Variants in DLG1 observed in about 807,000 individuals in gnomAD.
DLG1 encodes the protein discs large MAGUK scaffold protein 1, also known as disks large homolog 1.
Under a neutral mutation model 123.4 loss-of-function variants are expected in DLG1, and 42 were observed. The ratio of observed to expected loss-of-function variants is 0.34; its 90% CI spans 0.27 to 0.44. DLG1 has a LOEUF of 0.44. Ranked by LOEUF, DLG1 falls within the 20% of genes least tolerant of loss-of-function variation. The pLI is 1.00. For missense variants in DLG1, 942 were observed against 1,082.6 expected, an observed-to-expected ratio of 0.87 and a Z score of 1.82; for synonymous variants, 317 against 356.2, an observed-to-expected ratio of 0.89 and a Z score of 1.24.
At chr3:197,135,020 T>C (rs909161981) in intron 10 of DLG1, among the ~76,000 whole-genome samples, 5 of 152,228 alleles carry the variant, frequency 3.3e-5, no homozygotes, top group Admixed American at 2.6e-4. Context: ...CCTAGAAGAC[T>C]GTTATACATG....
chr3:197,212,386 A>G (rs1731715793), intron 4 of DLG1, among the ~76,000 whole-genome samples: 1 of 152,242 alleles, frequency 6.6e-6, no homozygotes, highest in African/African-American at 2.4e-5. Context: ...AACAGCCAGT[A>G]AAGATTAAGT....
chr3:197,104,285 G>C (rs1034154750), intron 14 of DLG1, among the ~76,000 whole-genome samples: 2 of 152,102 alleles, frequency 1.3e-5, no homozygotes, highest in East Asian at 3.8e-4. Context: ...TAAAAGCTAT[G>C]TCTTCAGTTA....
At chr3:197,050,336 C>T (rs1726588734) in intron 24 of DLG1, among the ~76,000 whole-genome samples, 1 of 151,248 alleles carries the variant, frequency 6.6e-6, no homozygotes, top group Admixed American at 6.6e-5. Flanking sequence ...CACTGCACTC[C>T]AGCCTGGGCG....
intron 17 of DLG1, among the ~76,000 whole-genome samples, chr3:197,077,467 G>A (rs1292512520): frequency 6.6e-6 from 1 of 151,952 alleles, no homozygotes; most frequent in Non-Finnish European, 1.5e-5. Context: ...TATCAGTACT[G>A]ACTTATTTAT....
intron 24 of DLG1, among the ~76,000 whole-genome samples, chr3:197,047,606 T>A (rs986389380): frequency 1.5e-4 from 22 of 151,580 alleles, no homozygotes; most frequent in Admixed American, 1.1e-3. Flanking sequence ...TTTTTTTTTT[T>A]AAACAAATAG....
intron 5 of DLG1, among the ~76,000 whole-genome samples, chr3:197,171,954 C>T (rs1804418974): frequency 6.6e-6 from 1 of 152,058 alleles, no homozygotes. Flanking sequence ...TATTATTCAC[C>T]CTCTACAAGT....
At chr3:197,098,312 A>G (rs971419595) in intron 14 of DLG1, among the ~76,000 whole-genome samples, 3 of 152,230 alleles carry the variant, frequency 2.0e-5, no homozygotes, top group African/African-American at 7.2e-5. Context: ...GATAGTCTAC[A>G]TTTTAGAAAT....
chr3:197,269,049 G>C (rs1270621666), intron 4 of DLG1, among the ~76,000 whole-genome samples: 1 of 152,172 alleles, frequency 6.6e-6, no homozygotes, highest in African/African-American at 2.4e-5. Context: ...AATACCTCCT[G>C]AAGGGCCTGC....
intron 15 of DLG1, among the ~76,000 whole-genome samples, chr3:197,090,576 AC>A (rs578022635): frequency 2.2e-3 from 341 of 152,202 alleles, no homozygotes; most frequent in African/African-American, 7.8e-3. Context: ...TTAGAAAAGG[AC>A]AGAGGTTAAA....
chr3:197,096,774 A>G (rs1760875561), intron 14 of DLG1, among the ~76,000 whole-genome samples: 1 of 152,110 alleles, frequency 6.6e-6, no homozygotes, highest in African/African-American at 2.4e-5. Context: ...CAAAATATTA[A>G]TTTTATTTTA....
chr3:197,103,015 G>T (rs1364600965), intron 14 of DLG1, among the ~76,000 whole-genome samples: 1 of 152,218 alleles, frequency 6.6e-6, no homozygotes, highest in African/African-American at 2.4e-5. Context: ...GAGGCAGGCT[G>T]CTTTATCCAA....
At chr3:197,280,337 T>TTGTGTGTGTGTGTGTG (rs10575004) in intron 4 of DLG1, among the ~76,000 whole-genome samples, 1 of 149,916 alleles carries the variant, frequency 6.7e-6, no homozygotes, top group African/African-American at 2.5e-5. Flanking sequence ...GTAGTCCATT[T>TTGTGTGTGTGTGTGTG]TGTGTGTGTG....
intron 16 of DLG1, among the ~76,000 whole-genome samples, chr3:197,084,291 C>T (rs1752869260): frequency 6.7e-6 from 1 of 149,450 alleles, no homozygotes; most frequent in Non-Finnish European, 1.5e-5. Flanking sequence ...AGATCAATTT[C>T]TGCTTGGAGG....
chr3:197,263,603 A>T (rs997061613), intron 4 of DLG1, among the ~76,000 whole-genome samples: 23 of 152,254 alleles, frequency 1.5e-4, no homozygotes, highest in African/African-American at 5.3e-4. Flanking sequence ...CCTGGCCAAC[A>T]TGGTGAAATC....
chr3:197,062,364 C>T (rs903082129), intron 22 of DLG1, among the ~76,000 whole-genome samples: 17 of 152,142 alleles, frequency 1.1e-4, no homozygotes, highest in Admixed American at 8.5e-4. Context: ...AGTATGGCTG[C>T]GACTGAATAT....
rs750257172 is a variant in DLG1 at position 197,138,221 on chromosome 3, C to A, written c.883+1G>T. On this transcript the variant is annotated splice_donor_variant, in intron 9 of 24. Transcript: ENST00000667157. LOFTEE classifies it high-confidence loss of function. Reference sequence around the variant, plus strand: ...TTATCTTAGTTTGACTTACCACATACCTTTAGGACCTTTAATGAGCTTTAT... The same window carrying A: ...TTATCTTAGTTTGACTTACCACATAACTTTAGGACCTTTAATGAGCTTTAT... 6.5e-7 allele frequency: 1 copy of A among 1,545,628 alleles called. No homozygotes were observed.
At chr3:197,135,478 ATGAC>A (rs1415303707) in intron 10 of DLG1, among the ~76,000 whole-genome samples, 1 of 152,144 alleles carries the variant, frequency 6.6e-6, no homozygotes, top group Non-Finnish European at 1.5e-5. Flanking sequence ...ACCCTCCACC[ATGAC>A]TGTAAGTTTC....
intron 5 of DLG1, among the ~76,000 whole-genome samples, chr3:197,191,877 A>T: frequency 6.6e-6 from 1 of 152,202 alleles, no homozygotes; most frequent in Admixed American, 6.5e-5. Flanking sequence ...AGAAAATACA[A>T]TCCAAAAGAA....
chr3:197,119,580 C>G, intron 11 of DLG1, 50 bp from the exon 12 acceptor site: 1 of 1,531,048 alleles, frequency 6.5e-7, no homozygotes, highest in Non-Finnish European at 8.9e-7. Flanking sequence ...ACAAGCCAAT[C>G]AGTATTCCAT....
Sources: allele counts gnomAD v4.1 joint callset (sites outside exome capture counted in the v4.1 genomes callset), GRCh38; gene constraint gnomAD v4.1.1; transcripts MANE v1.5; gene names NCBI Gene and HGNC (gene_info 2026-07-23, HGNC 2026-07-21).